TEX11: variants seen among roughly 807,000 people sequenced by gnomAD.
TEX11 encodes testis-expressed protein 11.
In TEX11, 7 loss-of-function variants were observed where a neutral mutation model predicts 84.4. The observed-to-expected ratio is 0.08, with a 90% confidence interval of 0.05 to 0.16. The LOEUF is 0.16. TEX11 is among the 10% of genes least tolerant of loss of function. The probability of loss-of-function intolerance (pLI) is 1.00; values close to 1 mark genes in which losing one functional copy is unlikely to be tolerated. For synonymous variants in TEX11, 264 were observed against 222.8 expected, an observed-to-expected ratio of 1.18 and a Z score of -1.64; for missense variants, 551 against 660.5, an observed-to-expected ratio of 0.83 and a Z score of 1.82.
chrX:70,682,867 A>G, intron 13 of TEX11, 42 bp from the exon 14 acceptor site: 1 of 1,171,503 alleles, frequency 8.5e-7, no homozygotes, highest in South Asian at 1.9e-5. Context: ...GAACAGAAAA[A>G]CTGGTTATTG....
intron 7 of TEX11, among the ~76,000 whole-genome samples, chrX:70,840,368 C>G (rs1396310546): frequency 9.0e-6 from 1 of 111,470 alleles, no homozygotes; most frequent in Non-Finnish European, 1.9e-5. Flanking sequence ...AATCTCATAT[C>G]CAGCCAAACT....
At chrX:70,655,085 A>G (rs2089850820) in intron 16 of TEX11, among the ~76,000 whole-genome samples, 1 of 110,800 alleles carries the variant, frequency 9.0e-6, no homozygotes, top group East Asian at 2.8e-4. Context: ...CTAATTTTGT[A>G]TGTATAAGTA....
At chrX:70,838,344 A>C (rs2091417972) in intron 7 of TEX11, among the ~76,000 whole-genome samples, 1 of 111,408 alleles carries the variant, frequency 9.0e-6, no homozygotes, top group African/African-American at 3.3e-5. Flanking sequence ...AATCGCTTGA[A>C]CCCAGGAGGT....
intron 13 of TEX11, among the ~76,000 whole-genome samples, chrX:70,715,170 T>A (rs2090484907): frequency 9.1e-6 from 1 of 109,518 alleles, no homozygotes. Context: ...CAGCTGTTAG[T>A]CTGATGGGCT....
At chrX:70,560,908 T>G (rs2088362922) in intron 25 of TEX11, among the ~76,000 whole-genome samples, 2 of 62,046 alleles carry the variant, frequency 3.2e-5, no homozygotes, top group Non-Finnish European at 6.3e-5. Flanking sequence ...TTTTTTTTTT[T>G]TTTTTTTTTT....
intron 7 of TEX11, among the ~76,000 whole-genome samples, chrX:70,851,444 C>T (rs1051760215): frequency 4.5e-5 from 5 of 111,483 alleles, no homozygotes; most frequent in Non-Finnish European, 9.4e-5. Flanking sequence ...TGAAAATTTA[C>T]GTAAAATGGA....
intron 25 of TEX11, among the ~76,000 whole-genome samples, chrX:70,569,719 C>G (rs1248616612): frequency 9.0e-6 from 1 of 111,568 alleles, no homozygotes; most frequent in Non-Finnish European, 1.9e-5. Context: ...TGCAGAACAG[C>G]GGATTTTCGT....
chrX:70,643,452 C>T (rs1321159658), intron 17 of TEX11, among the ~76,000 whole-genome samples: 19 of 83,663 alleles, frequency 2.3e-4, no homozygotes, highest in East Asian at 3.9e-4. Context: ...AAAAAGAGCC[C>T]GCATCGCCAA....
At position 70,717,968 on chromosome X, in the gene TEX11, T is replaced by C. The variant is rs747522455; in HGVS notation, c.1004+4650A>G. Among the ~76,000 whole-genome samples, 49 of 112,581 alleles carry C rather than the reference T, an allele frequency of 4.4e-4. No homozygotes were observed. In the South Asian group the frequency reaches 8.4e-3, roughly 19 times the overall value. On this transcript the variant is annotated intron_variant, in intron 13 of 29. Transcript: ENST00000374333. ...TAATTTATCAAATTTTCCTTTGAAA[T>C]TGATTACTTTGTTGACTTGTAAATA...
At chrX:70,809,513 G>A (rs1311297396) in intron 8 of TEX11, among the ~76,000 whole-genome samples, 2 of 111,119 alleles carry the variant, frequency 1.8e-5, no homozygotes, top group Non-Finnish European at 3.8e-5. Context: ...CTTCTAAAGT[G>A]GGAAGTCAAT....
At chrX:70,651,931 G>A (rs2089816132) in intron 16 of TEX11, among the ~76,000 whole-genome samples, 1 of 111,694 alleles carries the variant, frequency 9.0e-6, no homozygotes, top group Non-Finnish European at 1.9e-5. Context: ...CTTTTATCTG[G>A]TAAGCATTTG....
At chrX:70,619,701 G>A (rs1388302116) in intron 20 of TEX11, among the ~76,000 whole-genome samples, 1 of 112,172 alleles carries the variant, frequency 8.9e-6, no homozygotes, top group African/African-American at 3.2e-5. Context: ...TGACCAAACA[G>A]AAGCCTGGAA....
chrX:70,897,655 G>GGAAGGAAA lies in TEX11; in HGVS notation c.37+10097_37+10098insTTTCCTTC, dbSNP rs1569463145. ...AGGAAGGAAGGAAGGAAGGAAGGAA[G>GGAAGGAAA]GAAGGAAGGAAAACAAAGAAAGAAA... is the stretch of plus-strand genomic sequence containing the variant. On this transcript the variant is annotated intron_variant, in intron 2 of 29. Coordinates refer to ENST00000374333, the MANE Select transcript of TEX11 (RefSeq NM_031276.3). The GGAAGGAAA allele has an allele frequency of 5.2e-4, 43 of 82,685 alleles. 1 individual carries two copies. Among genetic ancestry groups the GGAAGGAAA allele is most frequent in the Middle Eastern group, 6.1e-3 (1 of 163 alleles). The allele number at this position is 82,685 out of a possible 1,213,427, so 6.8% of individuals were successfully genotyped here.
intron 25 of TEX11, among the ~76,000 whole-genome samples, chrX:70,589,713 G>A (rs189239349): frequency 1.8e-3 from 205 of 110,873 alleles, no homozygotes; most frequent in African/African-American, 6.5e-3. Context: ...AGTAGAGATG[G>A]GGTTTCGTCA....
intron 2 of TEX11, among the ~76,000 whole-genome samples, chrX:70,886,441 G>T (rs1247198104): frequency 9.0e-6 from 1 of 111,434 alleles, no homozygotes; most frequent in African/African-American, 3.3e-5. Context: ...CTGGGGGAAA[G>T]GGGTAATAGG....
chrX:70,836,069 T>C (rs2091403470), intron 7 of TEX11, among the ~76,000 whole-genome samples: 1 of 98,661 alleles, frequency 1.0e-5, no homozygotes, highest in African/African-American at 3.8e-5. Context: ...TGAGCCGAGA[T>C]GGCGCAATAT....
chrX:70,780,032 C>G (rs73634836), intron 9 of TEX11, among the ~76,000 whole-genome samples: 1,841 of 111,009 alleles, frequency 0.017, 38 homozygotes, highest in African/African-American at 0.057. Flanking sequence ...CTTGGGAGGC[C>G]GAGGTGTGCA....
At chrX:70,796,389 A>G (rs994077214) in intron 9 of TEX11, among the ~76,000 whole-genome samples, 2 of 112,009 alleles carry the variant, frequency 1.8e-5, no homozygotes, top group Admixed American at 9.5e-5. Flanking sequence ...CACTGACCTT[A>G]AAGAGGAGGT....
intron 25 of TEX11, among the ~76,000 whole-genome samples, chrX:70,578,864 G>A (rs1453577801): frequency 7.9e-5 from 8 of 101,255 alleles, no homozygotes; most frequent in East Asian, 3.2e-4. Flanking sequence ...TCTGCCTCCC[G>A]GGTTCGAGCA....
Sources: allele counts gnomAD v4.1 joint callset (sites outside exome capture counted in the v4.1 genomes callset), GRCh38; gene constraint gnomAD v4.1.1; transcripts MANE v1.5; gene names NCBI Gene and HGNC (gene_info 2026-07-23, HGNC 2026-07-21).